The following SSH2 variants were observed in gnomAD, a reference collection of about 807,000 sequenced individuals.
The protein encoded by SSH2 is slingshot protein phosphatase 2.
In SSH2, 37 loss-of-function variants were observed where a neutral mutation model predicts 135.2. That is an observed-to-expected ratio of 0.27 (90% CI 0.21 to 0.36). SSH2 has a LOEUF of 0.36. Ranked by LOEUF, SSH2 falls within the 10% of genes least tolerant of loss-of-function variation. The pLI, the probability that SSH2 is intolerant of heterozygous loss-of-function variation, is 1.00. For synonymous variants in SSH2, 628 were observed against 646.2 expected, an observed-to-expected ratio of 0.97 and a Z score of 0.43; for missense variants, 1,408 against 1,765.3, an observed-to-expected ratio of 0.80 and a Z score of 3.63.
At chr17:29,646,658 CCTGG>C (rs1406871799) in intron 14 of SSH2, among the ~76,000 whole-genome samples, 1 of 151,888 alleles carries the variant, frequency 6.6e-6, no homozygotes, top group Non-Finnish European at 1.5e-5. Flanking sequence ...CGCCACCATG[CCTGG>C]CTAATTTTTA....
intron 3 of SSH2, among the ~76,000 whole-genome samples, chr17:29,756,618 C>T (rs2041136632): frequency 6.6e-6 from 1 of 151,828 alleles, no homozygotes; most frequent in South Asian, 2.1e-4. Flanking sequence ...CCAATTTACT[C>T]TTTAACACAA....
intron 3 of SSH2, among the ~76,000 whole-genome samples, chr17:29,781,676 C>CA (rs1308057055): frequency 6.6e-6 from 1 of 151,640 alleles, no homozygotes; most frequent in Non-Finnish European, 1.5e-5. Context: ...GACAGGGTTT[C>CA]ACTATGTTGG....
At chr17:29,796,544 G>A (rs1292797351) in intron 2 of SSH2, among the ~76,000 whole-genome samples, 1 of 151,856 alleles carries the variant, frequency 6.6e-6, no homozygotes, top group Non-Finnish European at 1.5e-5. Context: ...CTTTCTCCAT[G>A]TTGGCCAGGC....
intron 1 of SSH2, chr17:29,856,086 G>C (rs890318770): frequency 3.0e-6 from 1 of 332,308 alleles, no homozygotes; most frequent in Non-Finnish European, 5.8e-6. Context: ...TGGGTCTCTT[G>C]ATAAAATCCA....
intron 1 of SSH2, among the ~76,000 whole-genome samples, chr17:29,892,308 G>A (rs1403612106): frequency 1.3e-5 from 2 of 151,784 alleles, no homozygotes; most frequent in African/African-American, 2.4e-5. Context: ...AATTCTAAGT[G>A]CAGAAAAGAT....
At chr17:29,820,955 A>G (rs751034558) in intron 2 of SSH2, among the ~76,000 whole-genome samples, 1 of 152,106 alleles carries the variant, frequency 6.6e-6, no homozygotes, top group Non-Finnish European at 1.5e-5. Flanking sequence ...AGAACTCCAG[A>G]CACTTTCATT....
At chr17:29,792,972 C>T (rs1264857504) in intron 3 of SSH2, among the ~76,000 whole-genome samples, 1 of 152,108 alleles carries the variant, frequency 6.6e-6, no homozygotes, top group Non-Finnish European at 1.5e-5. Context: ...CCGCGCCCGG[C>T]CTGATAATTA....
At chr17:29,754,283 G>A (rs1365602103) in intron 3 of SSH2, among the ~76,000 whole-genome samples, 2 of 152,164 alleles carry the variant, frequency 1.3e-5, no homozygotes, top group African/African-American at 4.8e-5. Flanking sequence ...AAGCCCTCCA[G>A]GTGATTCTGA....
intron 1 of SSH2, among the ~76,000 whole-genome samples, chr17:29,927,272 T>C (rs947298726): frequency 6.6e-6 from 1 of 152,102 alleles, no homozygotes; most frequent in Non-Finnish European, 1.5e-5. Flanking sequence ...TCATTCCCCT[T>C]CTTCTTCTTT....
intron 1 of SSH2, among the ~76,000 whole-genome samples, chr17:29,898,765 C>A (rs1599161514): frequency 6.6e-6 from 1 of 152,138 alleles, no homozygotes. Context: ...AGGGAATTCT[C>A]CCTAACTCAT....
intron 2 of SSH2, among the ~76,000 whole-genome samples, chr17:29,818,724 C>A (rs1461443986): frequency 6.6e-6 from 1 of 152,032 alleles, no homozygotes; most frequent in African/African-American, 2.4e-5. Flanking sequence ...AACATCTATC[C>A]TTATTGTCAT....
chr17:29,822,497 G>C (rs982746353), intron 2 of SSH2, among the ~76,000 whole-genome samples: 1 of 152,074 alleles, frequency 6.6e-6, no homozygotes, highest in Non-Finnish European at 1.5e-5. Flanking sequence ...AAGTAGCTGG[G>C]ACTACAGGCG....
At chr17:29,802,501 G>A (rs2042266590) in intron 2 of SSH2, among the ~76,000 whole-genome samples, 1 of 151,616 alleles carries the variant, frequency 6.6e-6, no homozygotes, top group Non-Finnish European at 1.5e-5. Context: ...TAAGAGTATT[G>A]GCCAGGCATG....
chr17:29,844,939 T>C (rs2043106388), intron 2 of SSH2, among the ~76,000 whole-genome samples: 1 of 152,244 alleles, frequency 6.6e-6, no homozygotes, highest in Non-Finnish European at 1.5e-5. Context: ...CTGCATGTAA[T>C]GATTTTCTCC....
rs1324765006 is a variant in SSH2, at chr17:29,636,627, C to T, written c.1603G>A (p.Val535Met). 1.9e-6 allele frequency: 3 copies of T among 1,614,066 alleles called. No homozygotes were observed. In the African/African-American group the frequency reaches 4.0e-5, roughly 22 times the overall value. ...GCATCTTGTGGGACCATATGTTCCA[C>T]AAAGACAGGAGGTATGGGTGGGTGA... The part of the protein sequence containing the change: ...ESHPPIPPVF[V>M]EHMVPQDANQ... Residue 535 changes from valine (V) to methionine (M), a missense_variant, in exon 15 of 16, where the codon GTG (valine) becomes ATG (methionine). Around this residue, in one of 3 missense-constraint regions of SSH2, gnomAD observed 1,080 missense variants for 1,144.5 expected, o/e 0.94. Transcript: ENST00000540801.
intron 11 of SSH2, among the ~76,000 whole-genome samples, chr17:29,659,043 G>A (rs2036911733): frequency 6.6e-6 from 1 of 151,852 alleles, no homozygotes; most frequent in African/African-American, 2.4e-5. Context: ...TTACTAATAT[G>A]CTACACATAA....
At chr17:29,871,897 A>T (rs2065942417) in intron 1 of SSH2, among the ~76,000 whole-genome samples, 1 of 152,226 alleles carries the variant, frequency 6.6e-6, no homozygotes, top group Admixed American at 6.5e-5. Flanking sequence ...ATACAAAAAT[A>T]TTCCCTATTT....
intron 8 of SSH2, chr17:29,676,518 T>TTA (rs1350985175): frequency 7.2e-6 from 2 of 279,702 alleles, no homozygotes; most frequent in Non-Finnish European, 6.8e-6. Context: ...ACTAACTAAC[T>TTA]TAGTCAATAT....
chr17:29,706,801 A>G (rs1470124777), intron 3 of SSH2, among the ~76,000 whole-genome samples: 1 of 152,208 alleles, frequency 6.6e-6, no homozygotes, highest in African/African-American at 2.4e-5. Flanking sequence ...AAAACAACTG[A>G]ACATACTTCA....
Sources: gnomAD v4.1 joint callset for allele counts (sites outside exome capture counted in the v4.1 genomes callset) on GRCh38, gnomAD v4.1.1 for gene constraint, gnomAD v4.1.1 regional missense constraint, MANE v1.5 for transcripts, NCBI Gene and HGNC (gene_info 2026-07-23, HGNC 2026-07-21) for gene names.